STXBP5: variants seen among roughly 807,000 people sequenced by gnomAD.
STXBP5 encodes the protein syntaxin binding protein 5.
A neutral mutation model predicts 152.4 loss-of-function variants in STXBP5; 50 were observed. That is an observed-to-expected ratio of 0.33 (90% CI 0.26 to 0.42). STXBP5 has a LOEUF of 0.42. Ranked by LOEUF, STXBP5 falls within the 10% of genes least tolerant of loss-of-function variation. The probability of loss-of-function intolerance (pLI) is 1.00; values close to 1 mark genes in which losing one functional copy is unlikely to be tolerated. For synonymous variants in STXBP5, 492 were observed against 494.7 expected, an observed-to-expected ratio of 0.99 and a Z score of 0.07; for missense variants, 1,167 against 1,388.6, an observed-to-expected ratio of 0.84 and a Z score of 2.54.
rs759385435 is a variant in STXBP5, at chr6:147,204,851, T to A, written c.150+169T>A. On this transcript the variant is annotated intron_variant, in intron 1 of 27. Coordinates refer to ENST00000321680, the MANE Select transcript of STXBP5 (RefSeq NM_001127715.4). The surrounding 1 kb of genome is among the most constrained non-coding windows in gnomAD (Gnocchi z 4.3). ...CTTGGCAAACGTTTCTTCGGTGGGT[T>A]GTTTTGGAGATTGATACCTTACTCC... is the stretch of plus-strand genomic sequence containing the variant. Among the ~76,000 whole-genome samples the A allele has an allele frequency of 6.6e-6, 1 of 152,210 alleles. No homozygotes were observed. Among genetic ancestry groups the A allele is most frequent in the Admixed American group, 6.5e-5 (1 of 15,286 alleles).
At chr6:147,350,343 G>A (rs1338204859) in intron 21 of STXBP5, among the ~76,000 whole-genome samples, 1 of 152,042 alleles carries the variant, frequency 6.6e-6, no homozygotes, top group Non-Finnish European at 1.5e-5. Context: ...TCAAAAGCAT[G>A]CACCTAGAAA....
chr6:147,341,700 G>A (rs1293071782), intron 21 of STXBP5, among the ~76,000 whole-genome samples: 1 of 152,000 alleles, frequency 6.6e-6, no homozygotes, highest in South Asian at 2.1e-4. Context: ...TTGTGGGTGG[G>A]TGGTACAGGA....
At position 147,389,819 on chromosome 6, in the gene STXBP5, T is replaced by C. The variant is rs1040679095; in HGVS notation, c.*5064T>C. ...CAATGCAAAGAGGGTAAATCTTGTT[T>C]TAATTTTTTTAACTTTTTTTTTTTG... On this transcript the variant is annotated 3_prime_UTR_variant, in exon 28 of 28. Coordinates refer to ENST00000321680, the MANE Select transcript of STXBP5 (RefSeq NM_001127715.4). The C allele has an allele frequency of 1.2e-4, 18 of 151,740 alleles. No homozygotes were observed. The East Asian group carries it at 3.3e-3, about 28-fold the overall frequency. 9.4% of individuals were successfully genotyped at this position (151,740 alleles called of 1,614,324 possible). A position where few individuals can be genotyped will look rare whatever the true frequency, so the allele number is the denominator to read the frequency against.
chr6:147,338,521 A>G (rs1191468785), intron 19 of STXBP5, among the ~76,000 whole-genome samples: 1 of 151,946 alleles, frequency 6.6e-6, no homozygotes, highest in Non-Finnish European at 1.5e-5. Context: ...GAAGTTTTTA[A>G]GGAAAAAATT....
In STXBP5 at chr6:147,316,292, C is replaced by T; in HGVS notation, c.1687C>T (p.Pro563Ser). Reference sequence around the variant, plus strand: ...GGAAACTCCGGAGGGTGAGCAGCCACCACCTTTGCCAACACCCGTGGGAGG... The same window carrying T: ...GGAAACTCCGGAGGGTGAGCAGCCATCACCTTTGCCAACACCCGTGGGAGG... ...DVETPEGEQP[P>S]PLPTPVGGSN... is the part of the protein sequence containing the mutation. Residue 563 changes from proline (P) to serine (S), a missense_variant, in exon 16 of 28, where the codon CCA becomes TCA. Physicochemically the swap from Pro to Ser is moderately conservative, Grantham distance 74. Transcript: ENST00000321680. 1 of 1,613,978 alleles carries T rather than the reference C, an allele frequency of 6.2e-7. No individual in the cohort carries two copies. The highest frequency in any genetic ancestry group is 8.5e-7 in the Non-Finnish European group (1 of 1,179,952).
In STXBP5 at chr6:147,370,524, T is replaced by G. The variant is rs115384667; in HGVS notation, c.3082-3207T>G. Among the ~76,000 whole-genome samples the G allele has an allele frequency of 2.5e-3, 385 of 152,226 alleles. 2 individuals carry two copies. Among genetic ancestry groups the G allele is most frequent in the African/African-American group, 8.7e-3 (363 of 41,574 alleles). On this transcript the variant is annotated intron_variant, in intron 25 of 27. Transcript: ENST00000321680. Reference sequence around the variant, plus strand: ...ACTTAAGTTTCTTTTTACAGTATTATTCTTAACTGTACCATAGTGAAAAAC... The same window carrying G: ...ACTTAAGTTTCTTTTTACAGTATTAGTCTTAACTGTACCATAGTGAAAAAC...
At chr6:147,318,668 C>G (rs1305361494) in intron 16 of STXBP5, among the ~76,000 whole-genome samples, 3 of 152,074 alleles carry the variant, frequency 2.0e-5, no homozygotes, top group Non-Finnish European at 2.9e-5. Context: ...TCCCAGTAGA[C>G]AGAGAGTCTC....
At chr6:147,334,752 A>C (rs182692738) in intron 19 of STXBP5, among the ~76,000 whole-genome samples, 277 of 152,162 alleles carry the variant, frequency 1.8e-3, no homozygotes, top group South Asian at 5.2e-3. Flanking sequence ...AAAGAATATT[A>C]ATTTTTATTA....
chr6:147,310,051 C>A, intron 9 of STXBP5, 33 bp from the exon 10 acceptor site: 2 of 1,378,440 alleles, frequency 1.5e-6, no homozygotes, highest in Non-Finnish European at 1.9e-6. Flanking sequence ...TTTACTATGC[C>A]ATTAATAATC....
chr6:147,278,505 A>T (rs1780551330), intron 8 of STXBP5, among the ~76,000 whole-genome samples: 1 of 152,176 alleles, frequency 6.6e-6, no homozygotes, highest in African/African-American at 2.4e-5. Context: ...AATGAAAATG[A>T]TGCAGGATTT....
In STXBP5 at chr6:147,268,933, A is replaced by T. The variant is rs548431678; in HGVS notation, c.714+1766A>T. On this transcript the variant is annotated intron_variant, in intron 7 of 27. Transcript: ENST00000321680. ...ATTTTCCAGTTCTTGGAACATGAAG[A>T]GGGAACCTAGGTGGAAGCTGAGAAG... Among the ~76,000 whole-genome samples, 4 of 152,286 alleles carry T rather than the reference A, an allele frequency of 2.6e-5. No homozygotes were observed. The South Asian group carries it at 8.3e-4, about 32-fold the overall frequency.
intron 27 of STXBP5, among the ~76,000 whole-genome samples, chr6:147,383,753 C>G (rs141693301): frequency 6.6e-6 from 1 of 152,058 alleles, no homozygotes; most frequent in Non-Finnish European, 1.5e-5. Flanking sequence ...TTTGAGCACC[C>G]AATCTGTAGT....
At chr6:147,268,587 TAAAC>T (rs1433813200) in intron 7 of STXBP5, among the ~76,000 whole-genome samples, 2 of 152,232 alleles carry the variant, frequency 1.3e-5, no homozygotes, top group African/African-American at 4.8e-5. Flanking sequence ...ATCTTCAAAT[TAAAC>T]AAGCATGTTT....
At position 147,314,349 on chromosome 6, in the gene STXBP5, T is replaced by G. The variant is rs1294899275; in HGVS notation, c.1361+18T>G. On this transcript the variant is annotated intron_variant, in intron 13 of 27. Transcript: ENST00000321680. ...ATTACAGGGTAAGTAAAAGTCTGTC[T>G]TCACCAAGTAAATCTATAATAGCTA... 2.5e-6 allele frequency: 4 copies of G among 1,604,048 alleles called. No homozygotes were observed. The highest frequency in any genetic ancestry group is 3.4e-6 in the Non-Finnish European group (4 of 1,170,976).
chr6:147,390,199 AAAG>A lies in STXBP5; in HGVS notation c.*5447_*5449del, dbSNP rs1484747394. 6.6e-6 allele frequency: 1 copy of A among 152,024 alleles called. No individual in the cohort carries two copies. The highest frequency in any genetic ancestry group is 1.9e-4 in the East Asian group (1 of 5,184). The allele number at this position is 152,024 out of a possible 1,614,324, so 9.4% of individuals were successfully genotyped here. On this transcript the variant is annotated 3_prime_UTR_variant, in exon 28 of 28. Transcript: ENST00000321680. Reference sequence around the variant, plus strand: ...AAAATCTGTGTATTGTTTCATCTAAAAAGAAAAGCACTATTGGAAACACTAAAA... The same window carrying A: ...AAAATCTGTGTATTGTTTCATCTAAAAAAAGCACTATTGGAAACACTAAAA...
chr6:147,269,817 T>G (rs1780068548), intron 7 of STXBP5, among the ~76,000 whole-genome samples: 1 of 152,142 alleles, frequency 6.6e-6, no homozygotes, highest in Non-Finnish European at 1.5e-5. Flanking sequence ...GACAGATCAT[T>G]AGTGAACTGT....
intron 21 of STXBP5, among the ~76,000 whole-genome samples, chr6:147,350,496 G>T (rs1039804675): frequency 1.3e-5 from 2 of 152,116 alleles, no homozygotes; most frequent in Middle Eastern, 6.8e-3. Context: ...AGATGAATTT[G>T]TTACTTTTAT....
rs568652036 is a variant in STXBP5, at chr6:147,260,975, A to G, written c.566+226A>G. Among the ~76,000 whole-genome samples, 5 of 152,232 alleles carry G rather than the reference A, an allele frequency of 3.3e-5. No individual in the cohort carries two copies. The South Asian group carries it at 6.2e-4, about 19-fold the overall frequency. On this transcript the variant is annotated intron_variant, in intron 5 of 27. Transcript: ENST00000321680. ...AGATATATGCACATTACATATGTAT[A>G]TATTTACATTTGTGTACACTGTAAC...
intron 25 of STXBP5, among the ~76,000 whole-genome samples, chr6:147,365,590 T>G (rs1307209472): frequency 2.0e-5 from 3 of 152,198 alleles, no homozygotes; most frequent in African/African-American, 7.2e-5. Flanking sequence ...TAAACTATAT[T>G]TTAAACTATC....
Sources: gnomAD v4.1 joint callset for allele counts (sites outside exome capture counted in the v4.1 genomes callset) on GRCh38, gnomAD v4.1.1 for gene constraint, Gnocchi (gnomAD v3.1) non-coding constraint, MANE v1.5 for transcripts, NCBI Gene and HGNC (gene_info 2026-07-23, HGNC 2026-07-21) for gene names.